The following ATE1 variants were observed in gnomAD, a reference collection of about 807,000 sequenced individuals.
ATE1 encodes arginyltransferase 1, also known as arginyl-tRNA--protein transferase 1.
In ATE1, 36 loss-of-function variants were observed where a neutral mutation model predicts 70.5. The ratio of observed to expected loss-of-function variants is 0.51; its 90% CI spans 0.39 to 0.67. ATE1 has a LOEUF of 0.67. Ranked by LOEUF, ATE1 falls within the 30% of genes least tolerant of loss-of-function variation. The pLI, the probability that ATE1 is intolerant of heterozygous loss-of-function variation, is 0.00. For synonymous variants in ATE1, 232 were observed against 219.3 expected, an observed-to-expected ratio of 1.06 and a Z score of -0.51; for missense variants, 593 against 629.5, an observed-to-expected ratio of 0.94 and a Z score of 0.62.
intron 10 of ATE1, among the ~76,000 whole-genome samples, chr10:121,811,219 T>C (rs1947305644): frequency 1.3e-5 from 2 of 152,138 alleles, no homozygotes; most frequent in South Asian, 2.1e-4. Context: ...CAAAAAATAA[T>C]ATGCATGCAT....
chr10:121,843,452 T>C (rs1271259271), intron 8 of ATE1, among the ~76,000 whole-genome samples: 5 of 152,168 alleles, frequency 3.3e-5, no homozygotes, highest in African/African-American at 9.7e-5. Flanking sequence ...AAAGTTTATG[T>C]AGAGACAAAA....
chr10:121,875,299 T>A (rs1167564189), intron 7 of ATE1, among the ~76,000 whole-genome samples: 1 of 26,948 alleles, frequency 3.7e-5, no homozygotes, highest in Non-Finnish European at 1.0e-4. Flanking sequence ...TTTTTTTTGG[T>A]TTTTTTTTGT....
intron 10 of ATE1, among the ~76,000 whole-genome samples, chr10:121,813,985 C>T (rs1947431319): frequency 6.6e-6 from 1 of 152,198 alleles, no homozygotes; most frequent in Non-Finnish European, 1.5e-5. Flanking sequence ...TCAGCAGAGT[C>T]TATGGGAATA....
At chr10:121,906,604 T>G (rs897259900) in intron 5 of ATE1, among the ~76,000 whole-genome samples, 8 of 151,588 alleles carry the variant, frequency 5.3e-5, no homozygotes, top group African/African-American at 1.9e-4. Context: ...AATCCAAGGT[T>G]TTTTGTTTGT....
At chr10:121,820,879 C>T (rs530001645) in intron 10 of ATE1, among the ~76,000 whole-genome samples, 3 of 152,274 alleles carry the variant, frequency 2.0e-5, no homozygotes, top group South Asian at 4.1e-4. Context: ...ATACTAAAAT[C>T]GTTTCTTTTA....
At position 121,764,743 on chromosome 10, in the gene ATE1, A is replaced by G. The variant is rs1444358037; in HGVS notation, c.1379-20885T>C. Among the ~76,000 whole-genome samples the G allele has an allele frequency of 3.9e-5, 6 of 152,226 alleles. No homozygotes were observed. The East Asian group carries it at 1.2e-3, about 29-fold the overall frequency. On this transcript the variant is annotated intron_variant, in intron 11 of 11. Transcript: ENST00000224652. ...TGCTTTGCTGAAGGCGACTCTGCTT[A>G]CCTGTGCAGAGTGAGGAGCAGAGAT...
chr10:121,762,381 G>A (rs12360405), intron 11 of ATE1, among the ~76,000 whole-genome samples: 3,847 of 151,676 alleles, frequency 0.025, 173 homozygotes, highest in East Asian at 0.23. Flanking sequence ...CCATGTTTAA[G>A]TCTGGCCTCC....
At chr10:121,923,633 A>G (rs990948966) in intron 2 of ATE1, among the ~76,000 whole-genome samples, 46 of 152,248 alleles carry the variant, frequency 3.0e-4, no homozygotes, top group Non-Finnish European at 8.8e-5. Context: ...ATTAGCGTAC[A>G]GTATTTAATA....
At chr10:121,900,319 T>C (rs903996466) in intron 6 of ATE1, among the ~76,000 whole-genome samples, 2 of 152,076 alleles carry the variant, frequency 1.3e-5, no homozygotes, top group South Asian at 2.1e-4. Flanking sequence ...CACAAATAAA[T>C]ACCCTCTAGT....
chr10:121,850,254 AAGAATCAAC>A (rs916611954), intron 8 of ATE1, among the ~76,000 whole-genome samples: 21 of 152,192 alleles, frequency 1.4e-4, no homozygotes, highest in African/African-American at 5.1e-4. Flanking sequence ...GTTTTTTAAA[AAGAATCAAC>A]ACTAAACAAT....
intron 10 of ATE1, among the ~76,000 whole-genome samples, chr10:121,791,055 CGTGTGTGTG>C (rs1946423768): frequency 5.2e-5 from 7 of 135,870 alleles, no homozygotes; most frequent in Non-Finnish European, 9.3e-5. Context: ...TATATGTATA[CGTGTGTGTG>C]TGTGTGTGTG....
chr10:121,797,747 C>G (rs908542181), intron 10 of ATE1, among the ~76,000 whole-genome samples: 1 of 152,168 alleles, frequency 6.6e-6, no homozygotes, highest in East Asian at 1.9e-4. Flanking sequence ...ACATGCTAGG[C>G]CTGCTCCCAC....
chr10:121,815,424 C>T (rs564564799), intron 10 of ATE1, among the ~76,000 whole-genome samples: 4 of 152,150 alleles, frequency 2.6e-5, no homozygotes, highest in Admixed American at 1.3e-4. Context: ...CGTGAGCCAC[C>T]GCGCCCGGCC....
chr10:121,927,835 C>G lies in ATE1; in HGVS notation c.106+9G>C. On this transcript the variant is annotated intron_variant, in intron 1 of 11. Transcript: ENST00000224652. ...CGGCTTCCCACGCCCGCCGGCCCGG[C>G]TCGCTCACCATTGGAGCGGCTGCCC... The G allele has an allele frequency of 6.4e-7, 1 of 1,560,798 alleles. No individual in the cohort carries two copies. Among genetic ancestry groups the G allele is most frequent in the Non-Finnish European group, 8.7e-7 (1 of 1,155,892 alleles).
intron 11 of ATE1, among the ~76,000 whole-genome samples, chr10:121,772,710 T>G (rs1945573151): frequency 6.6e-6 from 1 of 152,216 alleles, no homozygotes; most frequent in South Asian, 2.1e-4. Flanking sequence ...GAGAAGAATT[T>G]GGGCCCAAAC....
intron 10 of ATE1, among the ~76,000 whole-genome samples, chr10:121,832,049 A>G (rs1314127580): frequency 1.3e-5 from 2 of 152,204 alleles, no homozygotes; most frequent in Non-Finnish European, 2.9e-5. Flanking sequence ...GAGTGACATG[A>G]TCTTCCGCCA....
intron 11 of ATE1, among the ~76,000 whole-genome samples, chr10:121,755,841 A>C (rs1349008435): frequency 1.3e-5 from 2 of 152,168 alleles, no homozygotes; most frequent in African/African-American, 4.8e-5. Flanking sequence ...TGGGAGCTAC[A>C]AGATGAGATT....
intron 7 of ATE1, among the ~76,000 whole-genome samples, chr10:121,871,209 C>A (rs1413286710): frequency 6.6e-6 from 1 of 152,188 alleles, no homozygotes; most frequent in East Asian, 1.9e-4. Flanking sequence ...AATCCCAGCA[C>A]TTTCGGAGGC....
rs188485898 is a variant in ATE1 at position 121,893,895 on chromosome 10, T to A, written c.942+5971A>T. ...GCTCATGCCTGTAATCCCAGCACTT[T>A]GGGAGGCCGAGGCAGGCGGATCACC... On this transcript the variant is annotated intron_variant, in intron 7 of 11. Coordinates refer to ENST00000224652, the MANE Select transcript of ATE1 (RefSeq NM_001001976.3). 5.8e-3 allele frequency among the ~76,000 whole-genome samples: 879 copies of A among 152,176 alleles called. 9 individuals are homozygous for A. Among genetic ancestry groups the A allele is most frequent in the African/African-American group, 0.02 (832 of 41,540 alleles).
Sources: allele counts gnomAD v4.1 joint callset (sites outside exome capture counted in the v4.1 genomes callset), GRCh38; gene constraint gnomAD v4.1.1; transcripts MANE v1.5; gene names NCBI Gene and HGNC (gene_info 2026-07-23, HGNC 2026-07-21).